DCHS2: variants seen among roughly 807,000 people sequenced by gnomAD.
The protein encoded by DCHS2 is dachsous cadherin-related 2, also known as protocadherin-23.
Under a neutral mutation model 182.4 loss-of-function variants are expected in DCHS2, and 142 were observed. That is an observed-to-expected ratio of 0.78 (90% confidence interval 0.68 to 0.89). The LOEUF is 0.89. Ranked by LOEUF, DCHS2 falls within the 40% of genes least tolerant of loss-of-function variation. The pLI, the probability that DCHS2 is intolerant of heterozygous loss-of-function variation, is 0.00. For missense variants in DCHS2, 4,319 were observed against 4,198.6 expected (o/e 1.03, Z -0.79); for synonymous variants, 1,740 against 1,663.3 (o/e 1.05, Z -1.12).
intron 13 of DCHS2, among the ~76,000 whole-genome samples, chr4:154,273,059 G>C (rs187654486): frequency 6.6e-6 from 1 of 152,180 alleles, no homozygotes; most frequent in East Asian, 1.9e-4. Flanking sequence ...AGAACTAAAA[G>C]TAGATCTACC....
intron 3 of DCHS2, among the ~76,000 whole-genome samples, chr4:154,359,831 A>G (rs1045174856): frequency 1.3e-5 from 2 of 152,090 alleles, no homozygotes; most frequent in African/African-American, 4.8e-5. Flanking sequence ...AGTTCTACTT[A>G]CTCAATTGGA....
Position 154,377,246 on chromosome 4 carries a change from A to C in DCHS2, c.2244+7T>G. On this transcript the variant is annotated splice_region_variant and intron_variant, in intron 2 of 19. Coordinates refer to ENST00000357232, the MANE Select transcript of DCHS2 (RefSeq NM_001358235.2). Reference sequence around the variant, plus strand: ...GTTTAAAATAAACTTCATACATAAAAACTTACCCCATCCTTAGCTTCCACC... The same window carrying C: ...GTTTAAAATAAACTTCATACATAAACACTTACCCCATCCTTAGCTTCCACC... The C allele has an allele frequency of 6.2e-7, 1 of 1,612,396 alleles. No individual in the cohort carries two copies. The highest frequency in any genetic ancestry group is 8.5e-7 in the Non-Finnish European group (1 of 1,179,164).
intron 15 of DCHS2, among the ~76,000 whole-genome samples, chr4:154,256,697 G>A (rs1331371658): frequency 6.6e-6 from 1 of 152,084 alleles, no homozygotes; most frequent in Non-Finnish European, 1.5e-5. Context: ...CTATGCCCCT[G>A]AGCCTTAGTC....
intron 1 of DCHS2, among the ~76,000 whole-genome samples, chr4:154,379,643 A>C (rs902145681): frequency 1.3e-5 from 2 of 152,184 alleles, no homozygotes; most frequent in Non-Finnish European, 2.9e-5. Flanking sequence ...AGACAATTTC[A>C]TCACCTACAA....
At chr4:154,421,808 T>A (rs147726990) in intron 1 of DCHS2, among the ~76,000 whole-genome samples, 37 of 152,350 alleles carry the variant, frequency 2.4e-4, no homozygotes, top group African/African-American at 8.4e-4. Flanking sequence ...AGCTGAACAT[T>A]TCAAAATGGT....
At chr4:154,357,153 G>A (rs1470485358) in intron 3 of DCHS2, 1 of 1,023,140 alleles carries the variant, frequency 9.8e-7, no homozygotes, top group East Asian at 2.4e-5. Flanking sequence ...TCTCATATAG[G>A]TGCTTTCATG....
intron 3 of DCHS2, among the ~76,000 whole-genome samples, chr4:154,353,302 A>C (rs1578999320): frequency 6.6e-6 from 1 of 152,334 alleles, no homozygotes; most frequent in East Asian, 1.9e-4. Context: ...AATTAAAAAA[A>C]AACACACAAA....
At chr4:154,269,275 G>A (rs1354465158) in intron 14 of DCHS2, 2 of 152,274 alleles carry the variant, frequency 1.3e-5, no homozygotes, top group Admixed American at 6.5e-5. Context: ...TGGCAACAGA[G>A]ACATTATTAG....
chr4:154,415,763 G>A (rs1373141934), intron 1 of DCHS2, among the ~76,000 whole-genome samples: 1 of 152,138 alleles, frequency 6.6e-6, no homozygotes, highest in Non-Finnish European at 1.5e-5. Context: ...AGCCCAAAGC[G>A]TGGCCAGGAA....
intron 1 of DCHS2, among the ~76,000 whole-genome samples, chr4:154,385,746 G>C (rs908231947): frequency 6.6e-6 from 1 of 151,914 alleles, no homozygotes; most frequent in African/African-American, 2.4e-5. Flanking sequence ...CCTACCTCAG[G>C]CTCCCAAAGT....
intron 1 of DCHS2, among the ~76,000 whole-genome samples, chr4:154,476,769 G>T (rs6819298): frequency 0.74 from 112,899 of 152,142 alleles, 42,448 homozygotes; most frequent in East Asian, 0.85. Context: ...CAGAACATAA[G>T]ACGCATTACG....
intron 3 of DCHS2, among the ~76,000 whole-genome samples, chr4:154,358,839 A>T (rs867839442): frequency 1.3e-5 from 2 of 151,792 alleles, no homozygotes; most frequent in African/African-American, 4.8e-5. Context: ...TAAGCTCTCT[A>T]TTAGAAGTTG....
intron 14 of DCHS2, among the ~76,000 whole-genome samples, chr4:154,267,225 G>T (rs1234840029): frequency 1.3e-5 from 2 of 152,112 alleles, no homozygotes; most frequent in African/African-American, 4.8e-5. Flanking sequence ...CAAATACCAG[G>T]CAGGTGTGTG....
chr4:154,471,267 TCATA>T (rs1266113933), intron 1 of DCHS2, among the ~76,000 whole-genome samples: 1 of 152,192 alleles, frequency 6.6e-6, no homozygotes, highest in Non-Finnish European at 1.5e-5. Flanking sequence ...GTAAAATTAC[TCATA>T]CAAAGATTAC....
At chr4:154,385,494 G>A (rs757673361) in intron 1 of DCHS2, among the ~76,000 whole-genome samples, 2 of 151,932 alleles carry the variant, frequency 1.3e-5, no homozygotes, top group South Asian at 2.1e-4. Flanking sequence ...CTGAGGAATC[G>A]CCACACTGAC....
In DCHS2 at chr4:154,251,766, G is replaced by A. The variant is rs556668195; in HGVS notation, c.6941+3753C>T. ...ACGCCTGACCTCAGGTGATCTGCCC[G>A]CCTCAGCCTCCCAAAGTGCTAGGAT... On this transcript the variant is annotated intron_variant, in intron 16 of 19. Transcript: ENST00000357232. Among the ~76,000 whole-genome samples the A allele has an allele frequency of 5.9e-5, 9 of 152,180 alleles. No homozygotes were observed. The South Asian group carries it at 6.2e-4, about 11-fold the overall frequency.
At chr4:154,330,058 T>A (rs1017299924) in intron 5 of DCHS2, among the ~76,000 whole-genome samples, 2 of 152,210 alleles carry the variant, frequency 1.3e-5, no homozygotes, top group African/African-American at 4.8e-5. Flanking sequence ...CTATACAGAA[T>A]GATGGAAAGC....
intron 13 of DCHS2, among the ~76,000 whole-genome samples, chr4:154,291,432 T>G (rs1734655525): frequency 6.6e-6 from 1 of 152,246 alleles, no homozygotes; most frequent in East Asian, 1.9e-4. Context: ...GATCCAGCAA[T>G]TGCACTGTTA....
intron 1 of DCHS2, among the ~76,000 whole-genome samples, chr4:154,393,623 G>A (rs150007920): frequency 6.6e-6 from 1 of 152,204 alleles, no homozygotes; most frequent in Non-Finnish European, 1.5e-5. Flanking sequence ...GTACCCTATA[G>A]AATGTTTCAT....
Sources: allele counts gnomAD v4.1 joint callset (sites outside exome capture counted in the v4.1 genomes callset), GRCh38; gene constraint gnomAD v4.1.1; transcripts MANE v1.5; gene names NCBI Gene and HGNC (gene_info 2026-07-23, HGNC 2026-07-21).